SEMA3E: variants seen among roughly 807,000 people sequenced by gnomAD.
SEMA3E encodes the protein semaphorin 3E, also known as semaphorin-3E.
Under a neutral mutation model 93.6 loss-of-function variants are expected in SEMA3E, and 49 were observed. That is an observed-to-expected ratio of 0.52 (90% confidence interval 0.42 to 0.66). SEMA3E has a LOEUF of 0.66. SEMA3E is among the 30% of genes least tolerant of loss of function. SEMA3E has a pLI of 0.00. For synonymous variants in SEMA3E, 363 were observed against 330.7 expected (o/e 1.10, Z -1.06); for missense variants, 906 against 964.8 (o/e 0.94, Z 0.81).
chr7:83,576,839 C>T (rs192092820), intron 1 of SEMA3E, among the ~76,000 whole-genome samples: 13 of 152,198 alleles, frequency 8.5e-5, no homozygotes, highest in South Asian at 2.1e-4. Context: ...GTTGGGCAGG[C>T]TGGTCTCAAA....
chr7:83,640,953 G>A (rs1205402129), intron 1 of SEMA3E, among the ~76,000 whole-genome samples: 1 of 151,954 alleles, frequency 6.6e-6, no homozygotes, highest in Non-Finnish European at 1.5e-5. Context: ...AAGAGAAAGA[G>A]AAAGAGAAGG....
At chr7:83,574,952 G>C (rs1389518862) in intron 1 of SEMA3E, among the ~76,000 whole-genome samples, 2 of 152,106 alleles carry the variant, frequency 1.3e-5, no homozygotes, top group Non-Finnish European at 2.9e-5. Flanking sequence ...GGGATAGTTT[G>C]ATATAGAACA....
At chr7:83,482,910 G>A (rs1330898433) in intron 2 of SEMA3E, among the ~76,000 whole-genome samples, 1 of 35,854 alleles carries the variant, frequency 2.8e-5, no homozygotes, top group Non-Finnish European at 5.6e-5. Context: ...AGGATACAGA[G>A]GTATGAAAAA....
chr7:83,434,709 C>CTTTTTTTTTT (rs76539180), intron 4 of SEMA3E, among the ~76,000 whole-genome samples: 27 of 120,172 alleles, frequency 2.2e-4, no homozygotes, highest in African/African-American at 4.2e-4. Context: ...AACTGTATTT[C>CTTTTTTTTTT]TTTTTTTTTT....
At chr7:83,604,722 C>T (rs1011990845) in intron 1 of SEMA3E, among the ~76,000 whole-genome samples, 1 of 151,708 alleles carries the variant, frequency 6.6e-6, no homozygotes, top group Non-Finnish European at 1.5e-5. Context: ...ATCTATCAAC[C>T]CGTCACCTAG....
At position 83,605,584 on chromosome 7, in the gene SEMA3E, C is replaced by G. The variant is rs181553150; in HGVS notation, c.115+42844G>C. 1.8e-4 allele frequency among the ~76,000 whole-genome samples: 27 copies of G among 152,110 alleles called. No individual in the cohort carries two copies. In the East Asian group the frequency reaches 5.0e-3, roughly 28 times the overall value. On this transcript the variant is annotated intron_variant, in intron 1 of 16. Coordinates refer to ENST00000643230, the MANE Select transcript of SEMA3E (RefSeq NM_012431.3). ...TAGCTGGGATTACAGGCACCCACCA[C>G]CACCCCCAGCTATTTTTGTATTTTT...
intron 2 of SEMA3E, among the ~76,000 whole-genome samples, chr7:83,474,132 T>C (rs367779550): frequency 6.7e-6 from 1 of 149,750 alleles, no homozygotes; most frequent in Non-Finnish European, 1.5e-5. Context: ...ATAAGACGTA[T>C]GCTTTTTCTT....
intron 2 of SEMA3E, among the ~76,000 whole-genome samples, chr7:83,485,886 A>G (rs899253101): frequency 6.6e-6 from 1 of 152,254 alleles, no homozygotes; most frequent in Admixed American, 6.5e-5. Flanking sequence ...TATGTTATGT[A>G]TATCCTTTTC....
intron 4 of SEMA3E, among the ~76,000 whole-genome samples, chr7:83,451,167 G>A (rs1265858748): frequency 6.6e-6 from 1 of 152,118 alleles, no homozygotes; most frequent in Non-Finnish European, 1.5e-5. Flanking sequence ...CACCATGATT[G>A]TAAGTTTCCT....
intron 2 of SEMA3E, among the ~76,000 whole-genome samples, chr7:83,471,375 G>A (rs1789891070): frequency 6.7e-6 from 1 of 149,284 alleles, no homozygotes; most frequent in African/African-American, 2.5e-5. Context: ...GTCAGGATAA[G>A]ACTGCTTTGG....
At position 83,394,483 on chromosome 7, in the gene SEMA3E, T is replaced by C. The variant is rs147742849; in HGVS notation, c.1459-145A>G. The C allele has an allele frequency of 6.5e-5, 44 of 682,068 alleles. No individual in the cohort carries two copies. In the African/African-American group the frequency reaches 7.7e-4, roughly 12 times the overall value. 42.3% of individuals were successfully genotyped at this position (682,068 alleles called of 1,614,324 possible). The stretch of plus-strand genomic sequence containing the variant: ...TAGCTTTCATTTTAGTAAACCAATA[T>C]GCAAACACAATTAAAATGCAGCTTT... On this transcript the variant is annotated intron_variant, in intron 12 of 16. Coordinates refer to ENST00000643230, the MANE Select transcript of SEMA3E (RefSeq NM_012431.3).
intron 1 of SEMA3E, among the ~76,000 whole-genome samples, chr7:83,596,327 T>C (rs1792871132): frequency 2.0e-5 from 3 of 151,998 alleles, no homozygotes; most frequent in Admixed American, 6.6e-5. Flanking sequence ...CTGCTCCAGA[T>C]CAACCATTTC....
chr7:83,367,503 C>A lies in SEMA3E; in HGVS notation c.*83G>T. On this transcript the variant is annotated 3_prime_UTR_variant, in exon 17 of 17. Transcript: ENST00000643230. ...TTACAGAAATCTCTTTTAAGTAATG[C>A]AAAGAAGTTGGATGATTTATTTTTT... 4 of 1,390,804 alleles carry A rather than the reference C, an allele frequency of 2.9e-6. No individual in the cohort carries two copies. Among genetic ancestry groups the A allele is most frequent in the Non-Finnish European group, 4.1e-6 (4 of 978,536 alleles). The allele number at this position is 1,390,804 out of a possible 1,614,324, so 86.2% of individuals were successfully genotyped here. A position where few individuals can be genotyped will look rare whatever the true frequency, so the allele number is the denominator to read the frequency against.
intron 1 of SEMA3E, among the ~76,000 whole-genome samples, chr7:83,564,442 A>T (rs969218687): frequency 6.6e-6 from 1 of 152,126 alleles, no homozygotes; most frequent in African/African-American, 2.4e-5. Context: ...AAAAATCTTG[A>T]AAACACATTC....
chr7:83,592,812 A>C (rs1052295112), intron 1 of SEMA3E, among the ~76,000 whole-genome samples: 5 of 152,164 alleles, frequency 3.3e-5, no homozygotes, highest in African/African-American at 1.2e-4. Context: ...ATAGGAGAGA[A>C]AGGTGTCTTG....
At chr7:83,429,178 G>GTTA (rs2115736650) in intron 4 of SEMA3E, among the ~76,000 whole-genome samples, 1 of 152,222 alleles carries the variant, frequency 6.6e-6, no homozygotes, top group Non-Finnish European at 1.5e-5. Flanking sequence ...GCTGGCAGAT[G>GTTA]TTATTAGCAT....
In SEMA3E at chr7:83,405,535, C is replaced by T. The variant is rs1351316219; in HGVS notation, c.929-16G>A. 3 of 1,607,814 alleles carry T rather than the reference C, an allele frequency of 1.9e-6. No individual in the cohort carries two copies. Among genetic ancestry groups the T allele is most frequent in the Non-Finnish European group, 1.7e-6 (2 of 1,174,730 alleles). ...AAAACGTCCTCTGAAAAATTAAAGG[C>T]CATTCCATCGCTTAGTATTTTTAGC... On this transcript the variant is annotated splice_polypyrimidine_tract_variant and intron_variant, in intron 8 of 16. Transcript: ENST00000643230.
chr7:83,434,470 A>G (rs1309686353), intron 4 of SEMA3E, among the ~76,000 whole-genome samples: 1 of 152,216 alleles, frequency 6.6e-6, no homozygotes, highest in Non-Finnish European at 1.5e-5. Flanking sequence ...ATATGCTTTC[A>G]ACTTATCAAT....
chr7:83,642,280 G>T (rs180994956), intron 1 of SEMA3E, among the ~76,000 whole-genome samples: 1 of 152,244 alleles, frequency 6.6e-6, no homozygotes, highest in Admixed American at 6.5e-5. Context: ...CCAAGGCAAA[G>T]GAGCCCTATG....
Sources: allele counts gnomAD v4.1 joint callset (sites outside exome capture counted in the v4.1 genomes callset), GRCh38; gene constraint gnomAD v4.1.1; transcripts MANE v1.5; gene names NCBI Gene and HGNC (gene_info 2026-07-23, HGNC 2026-07-21).